The following PXDNL variants were observed in gnomAD, a reference collection of about 807,000 sequenced individuals.
The protein encoded by PXDNL is peroxidasin like.
In PXDNL, 145 loss-of-function variants were observed where a neutral mutation model predicts 150.8. That is an observed-to-expected ratio of 0.96 (90% CI 0.84 to 1.10). The LOEUF is 1.10. PXDNL is among the 50% of genes least tolerant of loss of function. The probability of loss-of-function intolerance (pLI) is 0.00; values close to 1 mark genes in which losing one functional copy is unlikely to be tolerated. For synonymous variants in PXDNL, 757 were observed against 725.7 expected, an observed-to-expected ratio of 1.04 and a Z score of -0.69; for missense variants, 2,087 against 1,873.9, an observed-to-expected ratio of 1.11 and a Z score of -2.10.
chr8:51,347,330 T>C (rs3097706), intron 19 of PXDNL, among the ~76,000 whole-genome samples: 1 of 152,016 alleles, frequency 6.6e-6, no homozygotes, highest in East Asian at 1.9e-4. Flanking sequence ...AAATTTAGGA[T>C]GATTTTTAAA....
chr8:51,690,988 A>C (rs1441870683), intron 1 of PXDNL, among the ~76,000 whole-genome samples: 2 of 152,086 alleles, frequency 1.3e-5, no homozygotes, highest in Admixed American at 6.6e-5. Context: ...GTGTCTGTTC[A>C]TATCCTTTGC....
chr8:51,707,188 T>G (rs1816399266), intron 1 of PXDNL, among the ~76,000 whole-genome samples: 1 of 152,230 alleles, frequency 6.6e-6, no homozygotes, highest in Admixed American at 6.5e-5. Flanking sequence ...GCTCTCTCTC[T>G]GTCCAGTGGA....
intron 3 of PXDNL, among the ~76,000 whole-genome samples, chr8:51,570,728 C>G (rs1272582197): frequency 6.6e-6 from 1 of 151,792 alleles, no homozygotes; most frequent in African/African-American, 2.4e-5. Flanking sequence ...ACATTTTGCT[C>G]ATTTGATAAT....
At chr8:51,486,574 T>C (rs1181903935) in intron 5 of PXDNL, among the ~76,000 whole-genome samples, 2 of 151,620 alleles carry the variant, frequency 1.3e-5, no homozygotes, top group Admixed American at 6.6e-5. Flanking sequence ...CTGATTTGCA[T>C]GGGGTGCAAA....
intron 3 of PXDNL, among the ~76,000 whole-genome samples, chr8:51,564,957 T>G (rs1812786344): frequency 6.6e-6 from 1 of 151,892 alleles, no homozygotes; most frequent in African/African-American, 2.4e-5. Flanking sequence ...ACTTCTCCCT[T>G]CCCAATCTAT....
intron 1 of PXDNL, among the ~76,000 whole-genome samples, chr8:51,694,645 G>C (rs573364678): frequency 1.3e-5 from 2 of 152,216 alleles, no homozygotes; most frequent in East Asian, 3.9e-4. Context: ...AGTCATCTGG[G>C]GTTTTTCCCT....
At chr8:51,701,187 A>G (rs943793291) in intron 1 of PXDNL, among the ~76,000 whole-genome samples, 3 of 152,132 alleles carry the variant, frequency 2.0e-5, no homozygotes, top group African/African-American at 7.2e-5. Context: ...ATGAATTATT[A>G]TTAGCAATTC....
chr8:51,622,417 T>C (rs1814277771), intron 2 of PXDNL, among the ~76,000 whole-genome samples: 1 of 152,200 alleles, frequency 6.6e-6, no homozygotes, highest in Non-Finnish European at 1.5e-5. Context: ...TATGCTGCCA[T>C]TGAAAATTAG....
chr8:51,601,305 A>C (rs1055972504), intron 2 of PXDNL, among the ~76,000 whole-genome samples: 1 of 151,838 alleles, frequency 6.6e-6, no homozygotes, highest in African/African-American at 2.4e-5. Context: ...GCTCTGTCCA[A>C]TGTTGTCGTT....
intron 12 of PXDNL, among the ~76,000 whole-genome samples, chr8:51,443,715 A>G (rs1809607451): frequency 6.6e-6 from 1 of 152,228 alleles, no homozygotes. Context: ...GTAGTAGAAG[A>G]ACTGCTTTCA....
In PXDNL at chr8:51,750,839, G is replaced by A. The variant is rs187193896; in HGVS notation, c.164+58342C>T. Among the ~76,000 whole-genome samples the A allele has an allele frequency of 8.0e-3, 1,216 of 152,250 alleles. 14 individuals are homozygous for A. Among genetic ancestry groups the A allele is most frequent in the African/African-American group, 0.028 (1,148 of 41,550 alleles). ...GTACATATAGGGTTCAGTACTATCC[G>A]CGGTTTCGGGCATCCACTGGGGGCC... is the stretch of plus-strand genomic sequence containing the variant. On this transcript the variant is annotated intron_variant, in intron 1 of 22. Coordinates refer to ENST00000356297, the MANE Select transcript of PXDNL (RefSeq NM_144651.5).
intron 19 of PXDNL, among the ~76,000 whole-genome samples, chr8:51,360,074 G>C (rs376576967): frequency 1.1e-4 from 16 of 144,186 alleles, no homozygotes; most frequent in African/African-American, 4.1e-4. Context: ...GAGTAGTAAA[G>C]GCAAGCATTT....
chr8:51,661,486 T>A (rs1321113953), intron 1 of PXDNL, among the ~76,000 whole-genome samples: 2 of 152,170 alleles, frequency 1.3e-5, no homozygotes, highest in Non-Finnish European at 2.9e-5. Context: ...TTGGGCCTCA[T>A]CCAGTCAGTT....
chr8:51,424,232 G>C (rs1351229037), intron 13 of PXDNL, among the ~76,000 whole-genome samples: 1 of 152,056 alleles, frequency 6.6e-6, no homozygotes, highest in Non-Finnish European at 1.5e-5. Context: ...AGCCAGGCAT[G>C]GTAGTGTGTG....
chr8:51,438,974 G>GCATAAAA (rs1809475933), intron 12 of PXDNL, among the ~76,000 whole-genome samples: 1 of 152,190 alleles, frequency 6.6e-6, no homozygotes. Flanking sequence ...AAAAACTGTA[G>GCATAAAA]AAGATGACAT....
chr8:51,321,050 C>G lies in PXDNL; in HGVS notation c.4147-153G>C. The G allele has an allele frequency of 8.2e-6, 5 of 612,444 alleles. No individual in the cohort carries two copies. In the East Asian group the frequency reaches 1.4e-4, roughly 17 times the overall value. The allele number at this position is 612,444 out of a possible 1,614,324, so 37.9% of individuals were successfully genotyped here. On this transcript the variant is annotated intron_variant, in intron 21 of 22. Coordinates refer to ENST00000356297, the MANE Select transcript of PXDNL (RefSeq NM_144651.5). The stretch of plus-strand genomic sequence containing the variant: ...AGCCTACATAATTTTTCATTTTCCC[C>G]CAGGACTTAATGAGCTTGAATCATC...
intron 4 of PXDNL, among the ~76,000 whole-genome samples, chr8:51,501,344 ACACT>A (rs1347562104): frequency 1.5e-5 from 2 of 133,082 alleles, no homozygotes; most frequent in Non-Finnish European, 3.2e-5. Flanking sequence ...ATACTGACAC[ACACT>A]CTCACATTGT....
At chr8:51,393,968 C>T (rs1005370900) in intron 17 of PXDNL, among the ~76,000 whole-genome samples, 3 of 152,044 alleles carry the variant, frequency 2.0e-5, no homozygotes, top group African/African-American at 4.8e-5. Context: ...TTACAGCAGT[C>T]GCAGGAAATA....
chr8:51,681,354 C>G (rs1190596332), intron 1 of PXDNL, among the ~76,000 whole-genome samples: 2 of 152,202 alleles, frequency 1.3e-5, no homozygotes, highest in Non-Finnish European at 2.9e-5. Context: ...CTATCAGTAC[C>G]AATCCCGGAA....
Sources: gnomAD v4.1 joint callset for allele counts (sites outside exome capture counted in the v4.1 genomes callset) on GRCh38, gnomAD v4.1.1 for gene constraint, MANE v1.5 for transcripts, NCBI Gene and HGNC (gene_info 2026-07-23, HGNC 2026-07-21) for gene names.